The following NRXN3 variants were observed in gnomAD, a reference collection of about 807,000 sequenced individuals.
NRXN3 encodes neurexin III.
Under a neutral mutation model 137.6 loss-of-function variants are expected in NRXN3, and 32 were observed. The observed-to-expected ratio is 0.23, with a 90% CI of 0.18 to 0.31. The LOEUF (loss-of-function observed/expected upper bound fraction) is 0.31. Among genes scored for constraint, NRXN3 ranks in the 10% least tolerant of loss-of-function variants. The pLI is 1.00. For missense variants in NRXN3, 1,574 were observed against 2,062.5 expected (o/e 0.76, Z 4.59); for synonymous variants, 798 against 784.5 (o/e 1.02, Z -0.29).
chr14:79,370,957 A>G (rs1461339049), intron 15 of NRXN3, among the ~76,000 whole-genome samples: 1 of 152,160 alleles, frequency 6.6e-6, no homozygotes, highest in African/African-American at 2.4e-5. Context: ...ACCAAAACCC[A>G]AGACTATGAA....
At chr14:79,471,421 G>A (rs2096505838) in intron 16 of NRXN3, among the ~76,000 whole-genome samples, 1 of 152,162 alleles carries the variant, frequency 6.6e-6, no homozygotes, top group East Asian at 1.9e-4. Context: ...TCTGCTTTAA[G>A]CTCCACAGTA....
At chr14:78,253,059 A>C (rs1261857972) in intron 2 of NRXN3, among the ~76,000 whole-genome samples, 1 of 151,226 alleles carries the variant, frequency 6.6e-6, no homozygotes, top group Non-Finnish European at 1.5e-5. Context: ...GTGGGCTTGA[A>C]GGGCACTGAG....
intron 4 of NRXN3, among the ~76,000 whole-genome samples, chr14:78,351,782 CTTTTTTTTT>C (rs11423743): frequency 7.8e-6 from 1 of 127,868 alleles, no homozygotes; most frequent in Non-Finnish European, 1.6e-5. Flanking sequence ...TGGTATTTTT[CTTTTTTTTT>C]TTTTTTTGCC....
intron 15 of NRXN3, among the ~76,000 whole-genome samples, chr14:79,265,137 G>A (rs1410948350): frequency 6.6e-6 from 1 of 151,286 alleles, no homozygotes; most frequent in Non-Finnish European, 1.5e-5. Context: ...TTTTCTTTGG[G>A]TCCTCCAAGT....
chr14:78,962,522 A>G (rs1011059793), intron 11 of NRXN3, among the ~76,000 whole-genome samples: 2 of 152,156 alleles, frequency 1.3e-5, no homozygotes, highest in African/African-American at 4.8e-5. Context: ...AAAGGTTTCC[A>G]TCACTACTAT....
At chr14:79,513,734 A>G (rs1218175011) in intron 16 of NRXN3, among the ~76,000 whole-genome samples, 2 of 152,170 alleles carry the variant, frequency 1.3e-5, no homozygotes, top group African/African-American at 2.4e-5. Context: ...GTAATTTGCA[A>G]ATGTGCAAAG....
intron 15 of NRXN3, among the ~76,000 whole-genome samples, chr14:79,289,141 G>A (rs2082751126): frequency 6.6e-6 from 1 of 152,152 alleles, no homozygotes; most frequent in Admixed American, 6.5e-5. Flanking sequence ...GACTGGTCAG[G>A]AGCACAGACA....
chr14:78,863,713 T>C (rs2152538469), intron 10 of NRXN3, among the ~76,000 whole-genome samples: 1 of 152,222 alleles, frequency 6.6e-6, no homozygotes, highest in African/African-American at 2.4e-5. Flanking sequence ...AATACATAAA[T>C]ATTCTAAAAA....
intron 15 of NRXN3, among the ~76,000 whole-genome samples, chr14:79,102,612 A>G (rs2051541759): frequency 6.6e-6 from 1 of 152,206 alleles, no homozygotes; most frequent in Non-Finnish European, 1.5e-5. Flanking sequence ...AGTTATGTAA[A>G]TATATTTACC....
chr14:79,219,982 T>C (rs754020267), intron 15 of NRXN3, among the ~76,000 whole-genome samples: 12 of 152,212 alleles, frequency 7.9e-5, no homozygotes, highest in Non-Finnish European at 7.4e-5. Context: ...AGTATACTTA[T>C]GAGAAGCTAC....
chr14:79,862,148 C>G lies in NRXN3; in HGVS notation c.*184C>G, dbSNP rs754497844. On this transcript the variant is annotated 3_prime_UTR_variant, in exon 21 of 21. Coordinates refer to ENST00000335750, the MANE Select transcript of NRXN3 (RefSeq NM_001330195.2). ...CACACACACACAGCGATGCATCTCT[C>G]TCTAAAGCTCAGCCACGGCTGCGGC... is the stretch of plus-strand genomic sequence containing the variant. The G allele has an allele frequency of 2.6e-5, 15 of 588,202 alleles. No individual in the cohort carries two copies. Among genetic ancestry groups the G allele is most frequent in the Non-Finnish European group, 4.2e-5 (14 of 334,804 alleles). The allele number at this position is 588,202 out of a possible 1,614,324, so 36.4% of individuals were successfully genotyped here.
At chr14:79,755,656 C>A (rs76718605) in intron 19 of NRXN3, among the ~76,000 whole-genome samples, 7,000 of 151,864 alleles carry the variant, frequency 0.046, 190 homozygotes, top group Non-Finnish European at 0.057. Flanking sequence ...CATAGAGAGA[C>A]AAACTGCAGC....
At chr14:78,421,937 A>T (rs1567545362) in intron 4 of NRXN3, among the ~76,000 whole-genome samples, 1 of 152,126 alleles carries the variant, frequency 6.6e-6, no homozygotes, top group Non-Finnish European at 1.5e-5. Flanking sequence ...CTCTAGTGGC[A>T]TGTTAATCTT....
In NRXN3 at chr14:79,607,095, TG is replaced by T. The variant is rs757453588; in HGVS notation, c.3445-56682del. Among the ~76,000 whole-genome samples, 151 of 152,378 alleles carry T rather than the reference TG, an allele frequency of 9.9e-4. 1 individual carries two copies. In the Middle Eastern group the frequency reaches 0.02, roughly 21 times the overall value. ...GTGTGCACTTGTGGGTATGTGTATT[TG>T]TCCTGTGTCACAATAAAAGGTATCT... is the stretch of plus-strand genomic sequence containing the variant. On this transcript the variant is annotated intron_variant, in intron 16 of 20. Coordinates refer to ENST00000335750, the MANE Select transcript of NRXN3 (RefSeq NM_001330195.2).
chr14:79,661,620 T>C (rs1603380275), intron 16 of NRXN3: 1 of 152,274 alleles, frequency 6.6e-6, no homozygotes, highest in East Asian at 1.9e-4. Flanking sequence ...ATTTTGTATT[T>C]GTGTATTTAA....
chr14:78,404,164 G>A (rs2092320986), intron 4 of NRXN3, among the ~76,000 whole-genome samples: 2 of 151,528 alleles, frequency 1.3e-5, no homozygotes, highest in South Asian at 4.2e-4. Context: ...CCCAGAACAG[G>A]GTCTTTGGCA....
At chr14:78,705,771 G>T (rs1162921904) in intron 6 of NRXN3, among the ~76,000 whole-genome samples, 2 of 152,292 alleles carry the variant, frequency 1.3e-5, no homozygotes, top group African/African-American at 4.8e-5. Context: ...AGTGAGAGTG[G>T]TGTTGGCTTT....
chr14:78,200,941 G>A (rs2153393711), intron 1 of NRXN3, among the ~76,000 whole-genome samples: 1 of 151,614 alleles, frequency 6.6e-6, no homozygotes, highest in East Asian at 1.9e-4. Context: ...CTTGAGCTAT[G>A]GGGGGCCTCT....
At chr14:79,074,079 C>A (rs1419313116) in intron 15 of NRXN3, among the ~76,000 whole-genome samples, 1 of 152,144 alleles carries the variant, frequency 6.6e-6, no homozygotes, top group African/African-American at 2.4e-5. Context: ...CCTTCCACAT[C>A]GTAGGTACAC....
Sources: gnomAD v4.1 joint callset for allele counts (sites outside exome capture counted in the v4.1 genomes callset) on GRCh38, gnomAD v4.1.1 for gene constraint, MANE v1.5 for transcripts, NCBI Gene and HGNC (gene_info 2026-07-23, HGNC 2026-07-21) for gene names.